Variants in CTNNA1 observed in about 807,000 individuals in gnomAD.
CTNNA1 encodes catenin alpha 1, also known as catenin alpha-1.
Under a neutral mutation model 98.4 loss-of-function variants are expected in CTNNA1, and 37 were observed. The observed-to-expected ratio is 0.38, with a 90% CI of 0.29 to 0.49. The LOEUF is 0.49. Among genes scored for constraint, CTNNA1 ranks in the 20% least tolerant of loss-of-function variants. The pLI, the probability that CTNNA1 is intolerant of heterozygous loss-of-function variation, is 0.95. For missense variants in CTNNA1, 761 were observed against 1,147.2 expected (o/e 0.66, Z 4.86); for synonymous variants, 404 against 413.2 (o/e 0.98, Z 0.27).
At chr5:138,921,708 C>T (rs1437717306) in intron 11 of CTNNA1, among the ~76,000 whole-genome samples, 1 of 145,684 alleles carries the variant, frequency 6.9e-6, no homozygotes, top group Non-Finnish European at 1.5e-5. Context: ...TCAAGCGATT[C>T]TCCTGCCTGA....
At chr5:138,820,385 A>G (rs1759912767) in intron 5 of CTNNA1, among the ~76,000 whole-genome samples, 4 of 151,904 alleles carry the variant, frequency 2.6e-5, no homozygotes, top group South Asian at 2.1e-4. Context: ...GGCAGGTCAC[A>G]GTCTCGTCCC....
At chr5:138,759,980 CTTTTTTTTTTTTTTT>C (rs70982734) in intron 1 of CTNNA1, among the ~76,000 whole-genome samples, 4 of 61,232 alleles carry the variant, frequency 6.5e-5, no homozygotes, top group Non-Finnish European at 8.4e-5. Context: ...AATTTCTTTC[CTTTTTTTTTTTTTTT>C]TTTTTTTTTT....
intron 7 of CTNNA1, among the ~76,000 whole-genome samples, chr5:138,860,268 TA>T (rs1426105807): frequency 3.3e-5 from 5 of 152,336 alleles, no homozygotes; most frequent in South Asian, 2.1e-4. Context: ...GAACTTCAGA[TA>T]AACCGTTTAT....
intron 14 of CTNNA1, 44 bp downstream of exon 14, chr5:138,929,400 T>C: frequency 1.1e-6 from 1 of 941,076 alleles, no homozygotes; most frequent in Non-Finnish European, 1.8e-6. Context: ...TGCTGCCGAC[T>C]TTCCCTGTCC....
chr5:138,880,753 T>A (rs944527931), intron 7 of CTNNA1: 2 of 292,902 alleles, frequency 6.8e-6, no homozygotes, highest in African/African-American at 4.4e-5. Flanking sequence ...CCGTTCATAC[T>A]TACTTGAAGA....
Position 138,764,304 on chromosome 5 carries a change from T to C in CTNNA1, c.-3+10794T>C, listed in dbSNP as rs191666669. On this transcript the variant is annotated intron_variant, in intron 1 of 17. Coordinates refer to ENST00000302763, the MANE Select transcript of CTNNA1 (RefSeq NM_001903.5). ...TCCCTTGAACCTGGAAGGCGGAGGT[T>C]GCAGTGAGCTGAGATCGTGCCATTG... 7.2e-3 allele frequency among the ~76,000 whole-genome samples: 1,094 copies of C among 152,076 alleles called. 15 individuals carry two copies. Among genetic ancestry groups the C allele is most frequent in the African/African-American group, 0.025 (1,025 of 41,530 alleles).
At chr5:138,777,622 G>A (rs1243949220) in intron 1 of CTNNA1, among the ~76,000 whole-genome samples, 1 of 151,912 alleles carries the variant, frequency 6.6e-6, no homozygotes, top group Admixed American at 6.6e-5. Flanking sequence ...TCTGGAGGCC[G>A]AGGCTGGCGG....
At chr5:138,832,792 A>T (rs1255509855) in intron 7 of CTNNA1, among the ~76,000 whole-genome samples, 1 of 152,240 alleles carries the variant, frequency 6.6e-6, no homozygotes, top group Non-Finnish European at 1.5e-5. Flanking sequence ...GGGTTAAAAC[A>T]GTCTGCTGTC....
intron 7 of CTNNA1, among the ~76,000 whole-genome samples, chr5:138,863,228 A>T (rs1764445839): frequency 6.6e-6 from 1 of 150,694 alleles, no homozygotes; most frequent in Admixed American, 6.6e-5. Context: ...ATCTTTTTTT[A>T]TATATATATA....
intron 3 of CTNNA1, among the ~76,000 whole-genome samples, chr5:138,798,648 G>T (rs988958631): frequency 4.6e-5 from 7 of 151,912 alleles, no homozygotes; most frequent in Non-Finnish European, 1.0e-4. Context: ...GGGTTTTTTT[G>T]TTTGTTTGTT....
chr5:138,823,956 C>CAAAAAAAAAAAAAA (rs369653057), intron 5 of CTNNA1, among the ~76,000 whole-genome samples: 13 of 64,420 alleles, frequency 2.0e-4, no homozygotes, highest in Non-Finnish European at 3.0e-4. Flanking sequence ...GACTCCGTCT[C>CAAAAAAAAAAAAAA]AAAAAAAAAA....
At chr5:138,917,939 A>T in intron 11 of CTNNA1, 41 bp downstream of exon 11, 1 of 1,600,562 alleles carries the variant, frequency 6.2e-7, no homozygotes, top group Non-Finnish European at 8.5e-7. Context: ...GAAGATGTTC[A>T]TAATTACTTT....
chr5:138,788,278 C>G (rs1364865998), intron 3 of CTNNA1, among the ~76,000 whole-genome samples: 2 of 152,102 alleles, frequency 1.3e-5, no homozygotes, highest in African/African-American at 4.8e-5. Context: ...GTGATAGGCA[C>G]TTAAATGTTT....
intron 7 of CTNNA1, chr5:138,871,819 G>A (rs1185765181): frequency 6.6e-6 from 1 of 152,154 alleles, no homozygotes; most frequent in African/African-American, 2.4e-5. Context: ...TTTATTGAAA[G>A]ATCGAAATGT....
chr5:138,863,637 ATTTTACAGCCCAG>A (rs1433728586), intron 7 of CTNNA1, among the ~76,000 whole-genome samples: 1 of 152,200 alleles, frequency 6.6e-6, no homozygotes, highest in Non-Finnish European at 1.5e-5. Context: ...TATCATCAGC[ATTTTACAGCCCAG>A]TTGGGTTCTT....
intron 7 of CTNNA1, among the ~76,000 whole-genome samples, chr5:138,844,678 G>A (rs978234770): frequency 2.0e-5 from 3 of 152,144 alleles, no homozygotes; most frequent in Non-Finnish European, 4.4e-5. Context: ...AGTAAGAATT[G>A]AGAAGATCTG....
intron 9 of CTNNA1, among the ~76,000 whole-genome samples, chr5:138,899,259 T>C (rs572262962): frequency 6.6e-6 from 1 of 152,308 alleles, no homozygotes; most frequent in East Asian, 1.9e-4. Context: ...GGAGTTTTAT[T>C]GTGGGAATTC....
Position 138,930,474 on chromosome 5 carries a change from C to A in CTNNA1, c.2012C>A (p.Ala671Glu). The A allele has an allele frequency of 6.2e-7, 1 of 1,607,186 alleles. No individual in the cohort carries two copies. Residue 671 changes from alanine (A) to glutamate (E), a missense_variant and splice_region_variant, in exon 15 of 18, where the codon GCG (alanine) becomes GAG (glutamate). Coordinates refer to ENST00000302763, the MANE Select transcript of CTNNA1 (RefSeq NM_001903.5). Reference protein sequence around the residue: ...DQLIAGQSARAIMAQLPQEQK... With the variant: ...DQLIAGQSAREIMAQLPQEQK... The stretch of plus-strand genomic sequence containing the variant: ...AGCTCTTTGTGCTTCTGATCACAGG[C>A]GATCATGGCTCAGCTTCCCCAGGAG...
intron 7 of CTNNA1, among the ~76,000 whole-genome samples, chr5:138,877,441 CTTTT>C (rs70982737): frequency 3.7e-5 from 5 of 136,802 alleles, no homozygotes; most frequent in Non-Finnish European, 3.2e-5. Context: ...TCTTAAATTT[CTTTT>C]TTTTTTTTTT....
Sources: allele counts gnomAD v4.1 joint callset (sites outside exome capture counted in the v4.1 genomes callset), GRCh38; gene constraint gnomAD v4.1.1; transcripts MANE v1.5; gene names NCBI Gene and HGNC (gene_info 2026-07-23, HGNC 2026-07-21).